The following NSUN6 variants were observed in gnomAD, a reference collection of about 807,000 sequenced individuals.
The protein encoded by NSUN6 is NOP2/Sun RNA methyltransferase 6.
A neutral mutation model predicts 58.0 loss-of-function variants in NSUN6; 64 were observed. The observed-to-expected ratio is 1.10, with a 90% CI of 0.90 to 1.36. NSUN6 has a LOEUF of 1.36. NSUN6 is among the 40% of genes most tolerant of loss of function. The pLI, the probability that NSUN6 is intolerant of heterozygous loss-of-function variation, is 0.00. For synonymous variants in NSUN6, 231 were observed against 193.9 expected, an observed-to-expected ratio of 1.19 and a Z score of -1.59; for missense variants, 701 against 550.1, an observed-to-expected ratio of 1.27 and a Z score of -2.74.
rs138913582 is a variant in NSUN6, at chr10:18,616,248, C to A, written c.357G>T (p.Gln119His). 1 of 1,612,066 alleles carries A rather than the reference C, an allele frequency of 6.2e-7. No homozygotes were observed. The highest frequency in any genetic ancestry group is 1.1e-5 in the South Asian group (1 of 91,046). The change falls in exon 4 of 11, where the codon CAG becomes CAT. Residue 119 changes from glutamine (Q) to histidine (H), a missense_variant. Gln to His is a conservative substitution (Grantham distance 24). Coordinates refer to ENST00000377304, the MANE Select transcript of NSUN6 (RefSeq NM_182543.5). ...KQQCEAIVGAQCGNAVLRGAH... is the reference protein window; with the variant it reads ...KQQCEAIVGAHCGNAVLRGAH... Reference sequence around the variant, plus strand: ...CTCCTCTTAAAACTGCATTGCCACACTGGGCTCCAACAATGGCTTCACACT... The same window carrying A: ...CTCCTCTTAAAACTGCATTGCCACAATGGGCTCCAACAATGGCTTCACACT...
At chr10:18,622,308 G>A (rs1322688345) in intron 3 of NSUN6, among the ~76,000 whole-genome samples, 1 of 152,176 alleles carries the variant, frequency 6.6e-6, no homozygotes, top group African/African-American at 2.4e-5. Flanking sequence ...CATCGCAGAA[G>A]AGGGCACTCA....
intron 5 of NSUN6, 150 bp from the exon 6 acceptor site, chr10:18,610,076 T>G (rs1219359769): frequency 4.9e-6 from 3 of 608,568 alleles, no homozygotes; most frequent in East Asian, 2.9e-5. Context: ...TCCCAGCACT[T>G]TGGGAGGCAG....
At chr10:18,622,506 G>T (rs1353995420) in intron 3 of NSUN6, among the ~76,000 whole-genome samples, 12 of 152,168 alleles carry the variant, frequency 7.9e-5, no homozygotes, top group Admixed American at 7.2e-4. Flanking sequence ...CTGAGGTCAG[G>T]AGTTCGAGAC....
chr10:18,601,562 G>A (rs982205902), intron 6 of NSUN6, among the ~76,000 whole-genome samples: 1 of 151,838 alleles, frequency 6.6e-6, no homozygotes. Context: ...GCAGAACTAG[G>A]AGCAGGAAAC....
At chr10:18,648,153 A>G (rs2059603667) in intron 2 of NSUN6, among the ~76,000 whole-genome samples, 1 of 152,138 alleles carries the variant, frequency 6.6e-6, no homozygotes, top group African/African-American at 2.4e-5. Flanking sequence ...TGGTCATTAT[A>G]TGCTACTTAT....
At chr10:18,657,486 T>G (rs2059789827), upstream of NSUN6, among the ~76,000 whole-genome samples, 1 of 152,208 alleles carries the variant, frequency 6.6e-6, no homozygotes, top group South Asian at 2.1e-4. Flanking sequence ...CATGTTCAAA[T>G]AAATACATTC....
chr10:18,616,208 G>T lies in NSUN6; in HGVS notation c.397C>A (p.Pro133Thr). ...AVLRGAHVYA[P>T]GIVSASQFMK... The stretch of plus-strand genomic sequence containing the variant: ...CATTGTGATGCTGACACAATTCCTG[G>T]GGCATAGACATGGGCTCCTCTTAAA... The change falls in exon 4 of 11, where the codon CCA (proline) becomes ACA (threonine). Residue 133 changes from proline (P) to threonine (T), a missense_variant. Coordinates refer to ENST00000377304, the MANE Select transcript of NSUN6 (RefSeq NM_182543.5). 6.3e-7 allele frequency: 1 copy of T among 1,586,506 alleles called. No individual in the cohort carries two copies. Among genetic ancestry groups the T allele is most frequent in the East Asian group, 2.2e-5 (1 of 44,730 alleles).
chr10:18,583,079 T>C (rs772885797), intron 8 of NSUN6, among the ~76,000 whole-genome samples: 35 of 152,148 alleles, frequency 2.3e-4, no homozygotes, highest in Non-Finnish European at 4.1e-4. Context: ...CCACAGCCAG[T>C]TCCTGCCTTA....
intron 8 of NSUN6, among the ~76,000 whole-genome samples, chr10:18,583,285 C>G (rs192392341): frequency 4.3e-4 from 65 of 152,272 alleles, no homozygotes; most frequent in Non-Finnish European, 8.5e-4. Context: ...TACCCAACTC[C>G]TATAAGGCAA....
intron 3 of NSUN6, among the ~76,000 whole-genome samples, chr10:18,637,727 A>T (rs201290355): frequency 1.3e-5 from 2 of 152,242 alleles, no homozygotes; most frequent in South Asian, 2.1e-4. Context: ...ATGTCTATCA[A>T]TGGAGGATAG....
chr10:18,595,820 T>C (rs568665090), intron 7 of NSUN6, among the ~76,000 whole-genome samples: 3 of 152,324 alleles, frequency 2.0e-5, no homozygotes, highest in African/African-American at 4.8e-5. Context: ...TATACAACTA[T>C]GTTTATATAT....
At chr10:18,625,568 C>A (rs1359382085) in intron 3 of NSUN6, among the ~76,000 whole-genome samples, 6 of 151,654 alleles carry the variant, frequency 4.0e-5, no homozygotes, top group African/African-American at 1.5e-4. Flanking sequence ...CAAAAGTCAG[C>A]CGGGTATGGT....
chr10:18,555,006 A>G (rs2054880435), intron 8 of NSUN6, among the ~76,000 whole-genome samples: 1 of 150,874 alleles, frequency 6.6e-6, no homozygotes, highest in East Asian at 2.0e-4. Flanking sequence ...GGAGAATAGA[A>G]TGGAATGCAG....
intron 3 of NSUN6, among the ~76,000 whole-genome samples, chr10:18,633,852 A>T (rs1465864467): frequency 6.6e-6 from 1 of 152,202 alleles, no homozygotes; most frequent in African/African-American, 2.4e-5. Context: ...AGCACAAATT[A>T]AACAAATAAG....
At chr10:18,551,289 TGTGG>T (rs1333906967) in intron 9 of NSUN6, among the ~76,000 whole-genome samples, 1 of 149,078 alleles carries the variant, frequency 6.7e-6, no homozygotes, top group East Asian at 1.9e-4. Flanking sequence ...TGTGTGTGTG[TGTGG>T]TAAAATATAA....
chr10:18,546,712 T>C (rs1439780053), intron 10 of NSUN6, among the ~76,000 whole-genome samples: 2 of 151,998 alleles, frequency 1.3e-5, no homozygotes, highest in East Asian at 1.9e-4. Flanking sequence ...ACCCTGTCTC[T>C]ACCAAAAATA....
chr10:18,570,692 C>CATTCCATTCCATTCTCT (rs142741692), intron 8 of NSUN6, among the ~76,000 whole-genome samples: 7 of 148,364 alleles, frequency 4.7e-5, no homozygotes, highest in Non-Finnish European at 1.0e-4. Context: ...TTTCATGCTC[C>CATTCCATTCCATTCTCT]ATTCCATTCC....
intron 8 of NSUN6, among the ~76,000 whole-genome samples, chr10:18,554,670 G>A (rs1217115062): frequency 6.6e-6 from 1 of 151,336 alleles, no homozygotes; most frequent in Non-Finnish European, 1.5e-5. Context: ...GAATGCAATG[G>A]AGAATGGAAT....
At chr10:18,599,206 C>A (rs1198996721) in intron 6 of NSUN6, among the ~76,000 whole-genome samples, 1 of 152,042 alleles carries the variant, frequency 6.6e-6, no homozygotes, top group Non-Finnish European at 1.5e-5. Flanking sequence ...CCTGGCTAAT[C>A]TTTAAAATTT....
Sources: gnomAD v4.1 joint callset for allele counts (sites outside exome capture counted in the v4.1 genomes callset) on GRCh38, gnomAD v4.1.1 for gene constraint, MANE v1.5 for transcripts, NCBI Gene and HGNC (gene_info 2026-07-23, HGNC 2026-07-21) for gene names.